The following MAP2K4 variants were observed in gnomAD, a reference collection of about 807,000 sequenced individuals.
MAP2K4 encodes the protein mitogen-activated protein kinase kinase 4.
In MAP2K4, 4 loss-of-function variants were observed where a neutral mutation model predicts 48.5. The observed-to-expected ratio is 0.08, with a 90% CI of 0.04 to 0.19. The LOEUF is 0.19. Ranked by LOEUF, MAP2K4 falls within the 10% of genes least tolerant of loss-of-function variation. The pLI is 1.00. For synonymous variants in MAP2K4, 166 were observed against 173.1 expected, an observed-to-expected ratio of 0.96 and a Z score of 0.32; for missense variants, 258 against 493.3, an observed-to-expected ratio of 0.52 and a Z score of 4.52.
intron 2 of MAP2K4, chr17:12,069,851 T>A (rs1454475515): frequency 5.0e-6 from 2 of 401,730 alleles, no homozygotes; most frequent in Admixed American, 5.7e-5. Flanking sequence ...ATGTGCAGGG[T>A]ATGTCTTACC....
chr17:12,143,453 T>C lies in MAP2K4; in HGVS notation c.*2193T>C, dbSNP rs1973439217. The C allele has an allele frequency of 4.3e-6, 1 of 232,640 alleles. No individual in the cohort carries two copies. The highest frequency in any genetic ancestry group is 6.1e-5 in the East Asian group (1 of 16,366). The allele number at this position is 232,640 out of a possible 1,614,324, so 14.4% of individuals were successfully genotyped here. A position where few individuals can be genotyped will look rare whatever the true frequency, so the allele number is the denominator to read the frequency against. On this transcript the variant is annotated 3_prime_UTR_variant, in exon 11 of 11. Transcript: ENST00000353533. Reference sequence around the variant, plus strand: ...GTGTTCACAAACTGTGAAAATAGTGTAAGAACTGTACATTGTGAGCTCTGG... The same window carrying C: ...GTGTTCACAAACTGTGAAAATAGTGCAAGAACTGTACATTGTGAGCTCTGG...
At chr17:12,095,278 GTTAA>G (rs1971697219) in intron 3 of MAP2K4, among the ~76,000 whole-genome samples, 1 of 152,180 alleles carries the variant, frequency 6.6e-6, no homozygotes, top group Admixed American at 6.5e-5. Flanking sequence ...GCATGTGGGG[GTTAA>G]TTTTTACTGC....
At chr17:12,022,519 T>C (rs1018120012) in intron 1 of MAP2K4, among the ~76,000 whole-genome samples, 1 of 152,202 alleles carries the variant, frequency 6.6e-6, no homozygotes, top group Non-Finnish European at 1.5e-5. Flanking sequence ...TTGTTCCAGA[T>C]GGGTGACTTA....
At chr17:12,106,417 A>G (rs1276542501) in intron 4 of MAP2K4, among the ~76,000 whole-genome samples, 3 of 152,160 alleles carry the variant, frequency 2.0e-5, no homozygotes, top group South Asian at 2.1e-4. Flanking sequence ...ATGTATAGCC[A>G]TGTATCTGTG....
chr17:12,132,920 C>G (rs747836239), intron 9 of MAP2K4, among the ~76,000 whole-genome samples: 11 of 152,110 alleles, frequency 7.2e-5, no homozygotes, highest in Non-Finnish European at 1.6e-4. Context: ...AATTTTGGTT[C>G]CTTAATGTCA....
intron 3 of MAP2K4, among the ~76,000 whole-genome samples, chr17:12,093,769 A>G (rs1971640912): frequency 6.6e-6 from 1 of 152,188 alleles, no homozygotes; most frequent in African/African-American, 2.4e-5. Context: ...CTCTAATATT[A>G]AACAACTCTT....
intron 4 of MAP2K4, among the ~76,000 whole-genome samples, chr17:12,095,927 G>GTGTGTGTGTGTGTGTA (rs919908493): frequency 4.8e-4 from 69 of 143,828 alleles, no homozygotes; most frequent in Middle Eastern, 3.6e-3. Context: ...GTGTGTGTGT[G>GTGTGTGTGTGTGTGTA]TATTTTAGTA....
In MAP2K4 at chr17:12,139,671, C is replaced by CA. The variant is rs550749531; in HGVS notation, c.1041-167dup. ...GAGATAAATCTTCAGATTATAGACT[C>CA]ACAATTTTTTGTATGTGCTTTTACT... On this transcript the variant is annotated intron_variant, in intron 9 of 10. Transcript: ENST00000353533. 2.0e-3 allele frequency among the ~76,000 whole-genome samples: 305 copies of CA among 152,230 alleles called. 1 individual carries two copies. Among genetic ancestry groups the CA allele is most frequent in the African/African-American group, 7.1e-3 (294 of 41,538 alleles).
intron 3 of MAP2K4, among the ~76,000 whole-genome samples, chr17:12,093,555 C>A (rs1387650497): frequency 7.9e-5 from 12 of 152,198 alleles, no homozygotes; most frequent in African/African-American, 2.9e-4. Context: ...GCATACCACA[C>A]AACCAGTTTT....
intron 2 of MAP2K4, among the ~76,000 whole-genome samples, chr17:12,058,789 T>C (rs1244203184): frequency 6.6e-6 from 1 of 152,222 alleles, no homozygotes; most frequent in South Asian, 2.1e-4. Flanking sequence ...TTGCTACATC[T>C]AGTAGAATAA....
intron 7 of MAP2K4, among the ~76,000 whole-genome samples, chr17:12,117,373 G>A (rs1226273853): frequency 6.6e-6 from 1 of 151,910 alleles, no homozygotes; most frequent in South Asian, 2.1e-4. Context: ...TCAAAATGCA[G>A]GTGCACCACA....
chr17:12,079,118 T>G (rs1330722275), intron 2 of MAP2K4, among the ~76,000 whole-genome samples: 1 of 150,936 alleles, frequency 6.6e-6, no homozygotes, highest in Non-Finnish European at 1.5e-5. Context: ...ACATTTAAAG[T>G]GTATAGTTCA....
intron 3 of MAP2K4, among the ~76,000 whole-genome samples, chr17:12,088,200 T>G (rs892416942): frequency 2.6e-5 from 4 of 151,924 alleles, no homozygotes; most frequent in Non-Finnish European, 5.9e-5. Context: ...TGCTCTCCTA[T>G]CCTCTACATC....
At chr17:12,096,295 AT>A (rs1277750274) in intron 4 of MAP2K4, among the ~76,000 whole-genome samples, 1 of 151,970 alleles carries the variant, frequency 6.6e-6, no homozygotes, top group Non-Finnish European at 1.5e-5. Flanking sequence ...TGGTCTCATA[AT>A]CATGTTTCTT....
intron 1 of MAP2K4, among the ~76,000 whole-genome samples, chr17:12,049,419 T>C (rs112689612): frequency 6.6e-6 from 1 of 152,374 alleles, no homozygotes; most frequent in African/African-American, 2.4e-5. Flanking sequence ...TGCTTTTTGA[T>C]TATTCCTTCC....
chr17:12,067,890 A>C (rs954421680), intron 2 of MAP2K4, among the ~76,000 whole-genome samples: 1 of 152,208 alleles, frequency 6.6e-6, no homozygotes, highest in African/African-American at 2.4e-5. Flanking sequence ...TGTGTGTATA[A>C]AATTATAATC....
At chr17:12,047,589 A>G (rs2151520789) in intron 1 of MAP2K4, among the ~76,000 whole-genome samples, 1 of 152,320 alleles carries the variant, frequency 6.6e-6, no homozygotes, top group Admixed American at 6.5e-5. Flanking sequence ...TTAGGATAGG[A>G]ATAAGATTTT....
intron 1 of MAP2K4, among the ~76,000 whole-genome samples, chr17:12,048,391 A>G (rs1014135473): frequency 6.6e-6 from 1 of 152,160 alleles, no homozygotes; most frequent in Non-Finnish European, 1.5e-5. Context: ...TGGGATATTT[A>G]CTTGATTTCT....
intron 2 of MAP2K4, among the ~76,000 whole-genome samples, chr17:12,076,417 TATTAA>T (rs1240270201): frequency 6.6e-6 from 1 of 152,030 alleles, no homozygotes; most frequent in Non-Finnish European, 1.5e-5. Flanking sequence ...GTTAATTCAG[TATTAA>T]ATTTAAGTTA....
Sources: allele counts gnomAD v4.1 joint callset (sites outside exome capture counted in the v4.1 genomes callset), GRCh38; gene constraint gnomAD v4.1.1; transcripts MANE v1.5; gene names NCBI Gene and HGNC (gene_info 2026-07-23, HGNC 2026-07-21).